Variants in GALNT13 observed in about 807,000 individuals in gnomAD.
GALNT13 encodes the protein UDP-GalNAc:polypeptide N-acetylgalactosaminyltransferase 13.
GALNT13 carries 28 observed loss-of-function variants against 64.2 expected under a neutral mutation model. The ratio of observed to expected loss-of-function variants is 0.44; its 90% CI spans 0.32 to 0.60. GALNT13 has a LOEUF of 0.60. Among genes scored for constraint, GALNT13 ranks in the 20% least tolerant of loss-of-function variants. The probability of loss-of-function intolerance (pLI) is 0.05; values close to 1 mark genes in which losing one functional copy is unlikely to be tolerated. For missense variants in GALNT13, 577 were observed against 669.8 expected, an observed-to-expected ratio of 0.86 and a Z score of 1.53; for synonymous variants, 214 against 224.6, an observed-to-expected ratio of 0.95 and a Z score of 0.42.
intron 3 of GALNT13, among the ~76,000 whole-genome samples, chr2:154,068,567 G>T (rs1700585889): frequency 6.6e-6 from 1 of 151,920 alleles, no homozygotes; most frequent in African/African-American, 2.4e-5. Context: ...ATTTGCAAAT[G>T]AGGTTATTAT....
the GALNT13 span, among the ~76,000 whole-genome samples, chr2:153,118,127 ACACACACACACACACACACC>A: frequency 4.0e-5 from 6 of 149,756 alleles, no homozygotes; most frequent in African/African-American, 7.5e-5. Context: ...ACACACACAC[ACACACACACACACACACACC>A]CCACATAAAC....
intron 8 of GALNT13, among the ~76,000 whole-genome samples, chr2:154,295,907 C>T (rs942630815): frequency 9.9e-5 from 15 of 152,254 alleles, no homozygotes; most frequent in Non-Finnish European, 1.5e-4. Context: ...TATGGTTCCA[C>T]TTGCTATTGG....
the GALNT13 span, among the ~76,000 whole-genome samples, chr2:153,345,719 G>GTCCGTCCGTCCTTCCTTCCT: frequency 1.9e-3 from 149 of 80,020 alleles, 3 homozygotes; most frequent in Non-Finnish European, 2.0e-3. Context: ...CTCTCTTTCT[G>GTCCGTCCGTCCTTCCTTCCT]TCCTTCCTTC....
intron 4 of GALNT13, among the ~76,000 whole-genome samples, chr2:154,204,240 T>A (rs959065405): frequency 7.9e-5 from 12 of 152,166 alleles, no homozygotes; most frequent in African/African-American, 2.7e-4. Flanking sequence ...ATTCTCTCTC[T>A]CAATATATTA....
At chr2:153,197,259 T>C in the GALNT13 span, among the ~76,000 whole-genome samples, 14 of 152,218 alleles carry the variant, frequency 9.2e-5, no homozygotes, top group Admixed American at 9.2e-4. Flanking sequence ...TGCCTGGGGT[T>C]AATGATAGGG....
the GALNT13 span, among the ~76,000 whole-genome samples, chr2:153,227,826 C>G: frequency 6.6e-6 from 1 of 152,160 alleles, no homozygotes; most frequent in South Asian, 2.1e-4. Context: ...TATACTTTGA[C>G]AGAATTATTA....
intron 4 of GALNT13, among the ~76,000 whole-genome samples, chr2:154,172,187 C>T (rs34427332): frequency 4.6e-5 from 7 of 151,690 alleles, no homozygotes; most frequent in Admixed American, 2.6e-4. Flanking sequence ...TTTACAGATG[C>T]ATAATAGATG....
At chr2:153,394,674 G>A in the GALNT13 span, among the ~76,000 whole-genome samples, 5 of 152,080 alleles carry the variant, frequency 3.3e-5, no homozygotes, top group African/African-American at 1.2e-4. Flanking sequence ...ATAAAGATAG[G>A]TACTGCCATG....
At chr2:153,383,817 GTGGCAGAA>G in the GALNT13 span, among the ~76,000 whole-genome samples, 1 of 152,032 alleles carries the variant, frequency 6.6e-6, no homozygotes, top group African/African-American at 2.4e-5. Context: ...CCCAGGATGA[GTGGCAGAA>G]AAATCAAACT....
At chr2:154,097,676 C>G (rs971477995) in intron 3 of GALNT13, among the ~76,000 whole-genome samples, 1 of 137,182 alleles carries the variant, frequency 7.3e-6, no homozygotes, top group African/African-American at 2.9e-5. Flanking sequence ...TCCTTTGAAA[C>G]TAGACCTTGG....
chr2:154,172,991 A>G (rs962685808), intron 4 of GALNT13, among the ~76,000 whole-genome samples: 2 of 152,186 alleles, frequency 1.3e-5, no homozygotes, highest in Middle Eastern at 3.4e-3. Flanking sequence ...ATATAGAACT[A>G]CAGAAGACCC....
chr2:153,336,306 A>C, the GALNT13 span, among the ~76,000 whole-genome samples: 1 of 152,098 alleles, frequency 6.6e-6, no homozygotes, highest in African/African-American at 2.4e-5. Flanking sequence ...TGCACTTTGC[A>C]CCTGGAAAAG....
intron 10 of GALNT13, among the ~76,000 whole-genome samples, chr2:154,398,520 G>T (rs1699156217): frequency 6.6e-6 from 1 of 152,154 alleles, no homozygotes; most frequent in South Asian, 2.1e-4. Flanking sequence ...CTTCTAAATG[G>T]ATCAGGTGAC....
chr2:154,280,470 A>G (rs1392510165), intron 8 of GALNT13, among the ~76,000 whole-genome samples: 2 of 152,174 alleles, frequency 1.3e-5, no homozygotes, highest in South Asian at 2.1e-4. Context: ...ATTTATCACA[A>G]TTCTCTACAT....
At chr2:153,854,577 G>A in the GALNT13 span, among the ~76,000 whole-genome samples, 1 of 151,814 alleles carries the variant, frequency 6.6e-6, no homozygotes, top group Non-Finnish European at 1.5e-5. Flanking sequence ...GCAAAACTCT[G>A]CCTCAAAAAA....
At chr2:153,850,337 T>C in the GALNT13 span, among the ~76,000 whole-genome samples, 10 of 152,130 alleles carry the variant, frequency 6.6e-5, no homozygotes, top group Non-Finnish European at 1.3e-4. Flanking sequence ...ATCTCAGTAG[T>C]AAAGAGAAAA....
intron 1 of GALNT13, among the ~76,000 whole-genome samples, chr2:153,894,923 C>T (rs1171489719): frequency 1.3e-5 from 2 of 152,148 alleles, no homozygotes; most frequent in Non-Finnish European, 2.9e-5. Flanking sequence ...TAGCTTGTTA[C>T]TTGTCCCTGA....
At chr2:153,604,384 C>G in the GALNT13 span, among the ~76,000 whole-genome samples, 17 of 152,042 alleles carry the variant, frequency 1.1e-4, no homozygotes, top group South Asian at 4.1e-4. Context: ...CTCTGTCTCT[C>G]TGTCTCTGTA....
intron 4 of GALNT13, among the ~76,000 whole-genome samples, chr2:154,170,211 G>A (rs1487888851): frequency 1.3e-5 from 2 of 152,040 alleles, no homozygotes; most frequent in African/African-American, 2.4e-5. Flanking sequence ...TAGCCAATTG[G>A]ATGGTGCCTG....
Sources: allele counts gnomAD v4.1 joint callset (sites outside exome capture counted in the v4.1 genomes callset), GRCh38; gene constraint gnomAD v4.1.1; transcripts MANE v1.5; gene names NCBI Gene and HGNC (gene_info 2026-07-23, HGNC 2026-07-21).